The following PTCHD1 variants were observed in gnomAD, a reference collection of about 807,000 sequenced individuals.
PTCHD1 encodes the protein patched domain-containing protein 1.
Under a neutral mutation model 34.6 loss-of-function variants are expected in PTCHD1, and 3 were observed. That is an observed-to-expected ratio of 0.09 (90% CI 0.04 to 0.22). PTCHD1 has a LOEUF of 0.22. Among genes scored for constraint, PTCHD1 ranks in the 10% least tolerant of loss-of-function variants. The pLI is 1.00. For synonymous variants in PTCHD1, 305 were observed against 283.1 expected (o/e 1.08, Z -0.77); for missense variants, 504 against 685.5 (o/e 0.74, Z 2.96).
chrX:23,334,750 TCGCCGC>T (rs1021562753), upstream of PTCHD1: 1 of 125,685 alleles, frequency 8.0e-6, no homozygotes, highest in Non-Finnish European at 1.4e-5. Context: ...GCTCAGGGTC[TCGCCGC>T]CGCCGCCGTC....
intron 1 of PTCHD1, among the ~76,000 whole-genome samples, chrX:23,371,067 T>C (rs1406413639): frequency 9.0e-6 from 1 of 111,471 alleles, no homozygotes; most frequent in Non-Finnish European, 1.9e-5. Flanking sequence ...CACATAAAAT[T>C]GCCGCTATTC....
intron 2 of PTCHD1, among the ~76,000 whole-genome samples, chrX:23,384,138 A>T (rs991678939): frequency 2.7e-5 from 3 of 112,378 alleles, no homozygotes; most frequent in Non-Finnish European, 1.9e-5. Flanking sequence ...CTGCATCTGG[A>T]AGGTTTGTTG....
At chrX:23,359,934 T>A (rs942489310) in intron 1 of PTCHD1, among the ~76,000 whole-genome samples, 2 of 111,956 alleles carry the variant, frequency 1.8e-5, no homozygotes, top group African/African-American at 3.2e-5. Context: ...TGGTTCTGTT[T>A]ATGTGATGGA....
In PTCHD1 at chrX:23,392,074, C is replaced by CTTTTTTTTTTTTTTTTTTTTTTTTTTT. The variant is rs763041195; in HGVS notation, c.1013-440_1013-439insTTTTTTTTTTTTTTTTTTTTTTTTTTT. Among the ~76,000 whole-genome samples, 8 of 52,355 alleles carry CTTTTTTTTTTTTTTTTTTTTTTTTTTT rather than the reference C, an allele frequency of 1.5e-4. 1 individual carries two copies. The East Asian group carries it at 1.9e-3, about 12-fold the overall frequency. The allele number at this position is 52,355 out of a possible 115,157, so 45.5% of individuals were successfully genotyped here. On this transcript the variant is annotated intron_variant, in intron 2 of 2. Transcript: ENST00000379361. ...TTCTTTCTTTTTTCTTTCTTTCTTT[C>CTTTTTTTTTTTTTTTTTTTTTTTTTTT]TTTTTTTTTTTTTTTTTGAGAGATG...
At chrX:23,349,574 G>A (rs1190539844) in intron 1 of PTCHD1, among the ~76,000 whole-genome samples, 1 of 111,476 alleles carries the variant, frequency 9.0e-6, no homozygotes, top group Non-Finnish European at 1.9e-5. Context: ...GAATAAAGAG[G>A]TGTATTACCT....
Position 23,368,793 on chromosome X carries a change from T to G in PTCHD1, c.352-10798T>G, listed in dbSNP as rs1205134320. ...AAGAAACATACATGGCCGGGTGCGG[T>G]GGCTCACGCCTGTAATCCCAGCACT... On this transcript the variant is annotated intron_variant, in intron 1 of 2. Coordinates refer to ENST00000379361, the MANE Select transcript of PTCHD1 (RefSeq NM_173495.3). Among the ~76,000 whole-genome samples the G allele has an allele frequency of 1.5e-4, 17 of 111,878 alleles. No individual in the cohort carries two copies. In the Admixed American group the frequency reaches 1.6e-3, roughly 11 times the overall value.
In PTCHD1 at chrX:23,380,091, C is replaced by G. The variant is rs368362905; in HGVS notation, c.852C>G (p.Ile284Met). The change falls in exon 2 of 3, where the codon ATC (isoleucine) becomes ATG (methionine). Residue 284 changes from isoleucine to methionine, a missense_variant. Physicochemically the swap from Ile to Met is conservative, Grantham distance 10. Coordinates refer to ENST00000379361, the MANE Select transcript of PTCHD1 (RefSeq NM_173495.3). Reference sequence around the variant, plus strand: ...TGATTCTGGTGGTTACCATGGCCATCCTGTGTTGCTCTATGCAGGACTGCG... The same window carrying G: ...TGATTCTGGTGGTTACCATGGCCATGCTGTGTTGCTCTATGCAGGACTGCG... The part of the protein sequence containing the change: ...TSLILVVTMA[I>M]LCCSMQDCVR... The G allele has an allele frequency of 2.5e-6, 3 of 1,210,231 alleles. No homozygotes were observed. In the African/African-American group the frequency reaches 5.2e-5, roughly 21 times the overall value.
chrX:23,378,091 A>G (rs1482217674), intron 1 of PTCHD1, among the ~76,000 whole-genome samples: 2 of 112,181 alleles, frequency 1.8e-5, no homozygotes, highest in Non-Finnish European at 3.8e-5. Flanking sequence ...CTTAACACTC[A>G]ACTACATGTC....
chrX:23,335,332 A>T (rs1165287159), intron 1 of PTCHD1, 106 bp downstream of exon 1: 1 of 666,449 alleles, frequency 1.5e-6, no homozygotes, highest in Non-Finnish European at 2.3e-6. Flanking sequence ...TAGCCCAGGC[A>T]GCTGCCGCAG....
In PTCHD1 at chrX:23,404,300, A is replaced by G. The variant is rs1056102254; in HGVS notation, c.*10115A>G. ...TTTTTAATTGACATAAAAATTGTAT[A>G]TATTTATGGGATACAATGTGATGTT... On this transcript the variant is annotated 3_prime_UTR_variant, in exon 3 of 3. Transcript: ENST00000379361. 2.9e-4 allele frequency: 33 copies of G among 112,038 alleles called. No individual in the cohort carries two copies. Among genetic ancestry groups the G allele is most frequent in the African/African-American group, 1.1e-3 (33 of 30,886 alleles). 9.2% of individuals were successfully genotyped at this position (112,038 alleles called of 1,213,427 possible).
At position 23,335,272 on chromosome X, in the gene PTCHD1, C is replaced by T. The variant is rs200341622; in HGVS notation, c.351+46C>T. ...GCAGACTCCGCCAGCGCCGCGGCCG[C>T]GGTCGGGCTGGCTCTGCGCTGGGGT... On this transcript the variant is annotated intron_variant, in intron 1 of 2. Transcript: ENST00000379361. The T allele has an allele frequency of 6.5e-6, 7 of 1,071,715 alleles. No individual in the cohort carries two copies. The East Asian group carries it at 1.5e-4, about 23-fold the overall frequency. The allele number at this position is 1,071,715 out of a possible 1,213,427, so 88.3% of individuals were successfully genotyped here.
chrX:23,368,575 T>G, intron 1 of PTCHD1, among the ~76,000 whole-genome samples: 1 of 111,824 alleles, frequency 8.9e-6, no homozygotes. Context: ...CCTGCCGTCG[T>G]GAAGCATATA....
chrX:23,353,543 C>T (rs911313559), intron 1 of PTCHD1, among the ~76,000 whole-genome samples: 4 of 111,390 alleles, frequency 3.6e-5, no homozygotes, highest in Non-Finnish European at 5.7e-5. Flanking sequence ...GAGCGGAGAT[C>T]GCGCCACTGC....
At chrX:23,372,951 G>C (rs1922316754) in intron 1 of PTCHD1, among the ~76,000 whole-genome samples, 1 of 112,106 alleles carries the variant, frequency 8.9e-6, no homozygotes, top group Non-Finnish European at 1.9e-5. Context: ...TTCATAATAT[G>C]AAGGATTTTT....
chrX:23,380,076 G>A lies in PTCHD1; in HGVS notation c.837G>A (p.Val279=), dbSNP rs762975923. Residue 279 remains valine (V), a synonymous_variant, in exon 2 of 3, where the codon GTG becomes GTA. Transcript: ENST00000379361. ...ERYLVTSLIL[V]VTMAILCCSM... The stretch of plus-strand genomic sequence containing the variant: ...ACCTGGTCACCAGCCTGATTCTGGT[G>A]GTTACCATGGCCATCCTGTGTTGCT... The A allele has an allele frequency of 8.3e-6, 10 of 1,210,299 alleles. No homozygotes were observed. In the East Asian group the frequency reaches 8.9e-5, roughly 11 times the overall value.
At chrX:23,338,746 C>T (rs900470676) in intron 1 of PTCHD1, among the ~76,000 whole-genome samples, 4 of 111,958 alleles carry the variant, frequency 3.6e-5, no homozygotes, top group African/African-American at 1.3e-4. Context: ...TTGTAATTTA[C>T]TTTCATATGA....
At chrX:23,376,776 C>T (rs1351434169) in intron 1 of PTCHD1, among the ~76,000 whole-genome samples, 3 of 112,208 alleles carry the variant, frequency 2.7e-5, no homozygotes, top group Non-Finnish European at 5.6e-5. Context: ...CCAACACCCT[C>T]TCTCTGGCTG....
At chrX:23,390,022 T>C (rs973236586) in intron 2 of PTCHD1, among the ~76,000 whole-genome samples, 33 of 112,041 alleles carry the variant, frequency 2.9e-4, no homozygotes, top group Non-Finnish European at 3.8e-5. Flanking sequence ...TCTAAGATTA[T>C]TCAACAGCAA....
intron 1 of PTCHD1, among the ~76,000 whole-genome samples, chrX:23,377,976 T>C (rs1278846304): frequency 8.9e-6 from 1 of 112,190 alleles, no homozygotes; most frequent in Non-Finnish European, 1.9e-5. Flanking sequence ...TTCTAGCTTC[T>C]TTACAGATGA....
Sources: allele counts gnomAD v4.1 joint callset (sites outside exome capture counted in the v4.1 genomes callset), GRCh38; gene constraint gnomAD v4.1.1; transcripts MANE v1.5; gene names NCBI Gene and HGNC (gene_info 2026-07-23, HGNC 2026-07-21).